KDM4C: variants seen among roughly 807,000 people sequenced by gnomAD.
The protein encoded by KDM4C is lysine demethylase 4C, also known as lysine-specific demethylase 4C.
A neutral mutation model predicts 129.3 loss-of-function variants in KDM4C; 81 were observed. The ratio of observed to expected loss-of-function variants is 0.63; its 90% confidence interval spans 0.52 to 0.75. The LOEUF (loss-of-function observed/expected upper bound fraction) is 0.75, where lower values mean the gene tolerates loss of function less well. Ranked by LOEUF, KDM4C falls within the 30% of genes least tolerant of loss-of-function variation. The pLI is 0.00. For synonymous variants in KDM4C, 573 were observed against 456.1 expected (o/e 1.26, Z -3.26); for missense variants, 1,457 against 1,304.0 (o/e 1.12, Z -1.81).
intron 12 of KDM4C, among the ~76,000 whole-genome samples, chr9:7,010,652 A>G (rs902536480): frequency 1.3e-5 from 2 of 152,228 alleles, no homozygotes; most frequent in African/African-American, 4.8e-5. Context: ...GCCCTCTGCT[A>G]TAGGCATTGA....
At chr9:7,089,224 G>A (rs1411322534) in intron 17 of KDM4C, among the ~76,000 whole-genome samples, 2 of 151,216 alleles carry the variant, frequency 1.3e-5, no homozygotes, top group African/African-American at 4.9e-5. Flanking sequence ...TCAAATTGTA[G>A]AATCCTCACA....
At chr9:7,000,048 C>G (rs977512338) in intron 12 of KDM4C, among the ~76,000 whole-genome samples, 2 of 152,134 alleles carry the variant, frequency 1.3e-5, no homozygotes, top group African/African-American at 4.8e-5. Context: ...TAGGTCACAG[C>G]CAGTGTTTTC....
intron 1 of KDM4C, among the ~76,000 whole-genome samples, chr9:6,749,698 G>T (rs1023629460): frequency 6.6e-6 from 1 of 151,740 alleles, no homozygotes; most frequent in East Asian, 1.9e-4. Context: ...TTAAAAAAAG[G>T]TAACCTGGCT....
At chr9:7,021,969 G>A (rs1436469920) in intron 15 of KDM4C, among the ~76,000 whole-genome samples, 2 of 152,118 alleles carry the variant, frequency 1.3e-5, no homozygotes, top group South Asian at 2.1e-4. Flanking sequence ...TACTGTAGAT[G>A]TATGGATTTA....
In KDM4C at chr9:7,106,558, A is replaced by G. The variant is rs73409582; in HGVS notation, c.2610+2688A>G. ...ATTTTTACTCACTTTAGGGTTTTTGATTCCCTTATTTTTTTATTTCTCCCA... is the reference window on the plus strand; with the variant it reads ...ATTTTTACTCACTTTAGGGTTTTTGGTTCCCTTATTTTTTTATTTCTCCCA... On this transcript the variant is annotated intron_variant, in intron 18 of 21. Transcript: ENST00000381309. Among the ~76,000 whole-genome samples, 971 of 152,216 alleles carry G rather than the reference A, an allele frequency of 6.4e-3. 11 individuals carry two copies. The highest frequency in any genetic ancestry group is 0.022 in the African/African-American group (911 of 41,554).
intron 5 of KDM4C, among the ~76,000 whole-genome samples, chr9:6,852,196 A>G (rs1269275592): frequency 6.6e-6 from 1 of 152,186 alleles, no homozygotes; most frequent in African/African-American, 2.4e-5. Context: ...GTCATTATTA[A>G]AATTCATTTT....
chr9:6,850,993 G>A (rs867331774), intron 5 of KDM4C, among the ~76,000 whole-genome samples: 1 of 152,034 alleles, frequency 6.6e-6, no homozygotes, highest in Admixed American at 6.6e-5. Flanking sequence ...GACCTCAGGT[G>A]AGCCACCCTC....
intron 4 of KDM4C, among the ~76,000 whole-genome samples, chr9:6,844,572 C>T (rs765198861): frequency 5.9e-5 from 9 of 152,188 alleles, no homozygotes; most frequent in African/African-American, 2.2e-4. Context: ...CAGAGTTAAA[C>T]GAAGTTACAC....
At chr9:6,986,143 G>C (rs1186900489) in intron 10 of KDM4C, among the ~76,000 whole-genome samples, 2 of 152,194 alleles carry the variant, frequency 1.3e-5, no homozygotes, top group African/African-American at 4.8e-5. Flanking sequence ...TAATACTTGA[G>C]TAGAAGAACT....
chr9:7,073,718 G>C (rs1017564193), intron 17 of KDM4C, among the ~76,000 whole-genome samples: 1 of 152,172 alleles, frequency 6.6e-6, no homozygotes, highest in Non-Finnish European at 1.5e-5. Flanking sequence ...GTGAATGGGA[G>C]AAATATTCTT....
chr9:6,966,143 C>G (rs1022356022), intron 8 of KDM4C, among the ~76,000 whole-genome samples: 2 of 152,018 alleles, frequency 1.3e-5, no homozygotes, highest in East Asian at 3.9e-4. Context: ...AATTTAGACA[C>G]CTTAAGATTA....
intron 4 of KDM4C, among the ~76,000 whole-genome samples, chr9:6,822,851 T>C (rs186878434): frequency 5.5e-4 from 84 of 152,364 alleles, no homozygotes; most frequent in African/African-American, 1.9e-3. Context: ...CCAGTAGCCA[T>C]GTACACCTGC....
chr9:6,981,749 G>C (rs553414436), intron 9 of KDM4C: 2 of 183,316 alleles, frequency 1.1e-5, no homozygotes, highest in South Asian at 1.3e-4. Context: ...GTGTGGTGTT[G>C]CTCAGGTCCT....
chr9:7,076,538 C>T, intron 17 of KDM4C: 3 of 1,536,658 alleles, frequency 2.0e-6, no homozygotes, highest in Non-Finnish European at 2.6e-6. Flanking sequence ...TCCCCTCCGC[C>T]ACTGTTTCAG....
At chr9:6,953,620 GTGTACCA>G (rs1210105088) in intron 8 of KDM4C, among the ~76,000 whole-genome samples, 28 of 152,292 alleles carry the variant, frequency 1.8e-4, no homozygotes, top group Non-Finnish European at 3.2e-4. Context: ...AAAAGTCTCA[GTGTACCA>G]TGTTATACAA....
chr9:6,742,206 G>A (rs1482211666), intron 1 of KDM4C, among the ~76,000 whole-genome samples: 8 of 150,924 alleles, frequency 5.3e-5, no homozygotes, highest in Admixed American at 2.0e-4. Context: ...AGTAGAGATG[G>A]GGTTTCACCA....
intron 1 of KDM4C, among the ~76,000 whole-genome samples, chr9:6,792,712 G>C (rs1363472782): frequency 6.6e-6 from 1 of 152,086 alleles, no homozygotes; most frequent in African/African-American, 2.4e-5. Context: ...TACTTGGAAG[G>C]GTTTTGAGGA....
At chr9:7,122,846 A>G (rs574060695) in intron 18 of KDM4C, among the ~76,000 whole-genome samples, 12 of 152,302 alleles carry the variant, frequency 7.9e-5, no homozygotes, top group African/African-American at 2.6e-4. Flanking sequence ...GCCTTAGCTT[A>G]CACACTAATC....
intron 8 of KDM4C, among the ~76,000 whole-genome samples, chr9:6,927,742 C>T (rs1822901976): frequency 6.6e-6 from 1 of 152,160 alleles, no homozygotes. Flanking sequence ...TCTCAGTTCC[C>T]ACCCTGTTAG....
Sources: gnomAD v4.1 joint callset for allele counts (sites outside exome capture counted in the v4.1 genomes callset) on GRCh38, gnomAD v4.1.1 for gene constraint, MANE v1.5 for transcripts, NCBI Gene and HGNC (gene_info 2026-07-23, HGNC 2026-07-21) for gene names.